The following IDH3G variants were observed in gnomAD, a reference collection of about 807,000 sequenced individuals.
The protein encoded by IDH3G is isocitrate dehydrogenase [NAD] subunit gamma, mitochondrial.
In IDH3G, 9 loss-of-function variants were observed where a neutral mutation model predicts 26.9. The ratio of observed to expected loss-of-function variants is 0.34; its 90% confidence interval spans 0.20 to 0.58. The LOEUF is 0.58. Ranked by LOEUF, IDH3G falls within the 20% of genes least tolerant of loss-of-function variation. The probability of loss-of-function intolerance (pLI) is 0.85; values close to 1 mark genes in which losing one functional copy is unlikely to be tolerated. For synonymous variants in IDH3G, 181 were observed against 160.0 expected (o/e 1.13, Z -0.99); for missense variants, 250 against 372.8 (o/e 0.67, Z 2.71).
chrX:153,794,074 T>G, intron 1 of IDH3G, 172 bp downstream of exon 1: 4 of 532,087 alleles, frequency 7.5e-6, no homozygotes, highest in Non-Finnish European at 1.1e-5. Flanking sequence ...AGGGCCAACT[T>G]CGGCCAATCC....
intron 8 of IDH3G, 41 bp from the exon 9 acceptor site, chrX:153,787,194 C>A (rs2071123): frequency 0.31 from 329,100 of 1,074,699 alleles, 37,098 homozygotes; most frequent in East Asian, 0.61. Context: ...TTGGCCATCG[C>A]AACAGTCAGC....
Position 153,787,812 on chromosome X carries a change from C to A in IDH3G, c.540+11G>T. 8.3e-7 allele frequency: 1 copy of A among 1,203,493 alleles called. No individual in the cohort carries two copies. Among genetic ancestry groups the A allele is most frequent in the African/African-American group, 1.7e-5 (1 of 57,786 alleles). ...CGCTGGGGGGGCTCATCTCGGGCCC[C>A]CCATGCACACCTCATGCTCCAGGCT... is the stretch of plus-strand genomic sequence containing the variant. On this transcript the variant is annotated intron_variant, in intron 7 of 12. Transcript: ENST00000217901.
intron 2 of IDH3G, 29 bp from the exon 3 acceptor site, chrX:153,790,604 C>G (rs1487357060): frequency 8.3e-7 from 1 of 1,201,467 alleles, no homozygotes; most frequent in Non-Finnish European, 1.1e-6. Context: ...GAAGAAGACA[C>G]AATCAGCCAA....
chrX:153,789,701 C>T lies in IDH3G; in HGVS notation c.346+11G>A. The T allele has an allele frequency of 9.0e-7, 1 of 1,110,529 alleles. No homozygotes were observed. Among genetic ancestry groups the T allele is most frequent in the African/African-American group, 1.8e-5 (1 of 56,231 alleles). 91.5% of individuals were successfully genotyped at this position (1,110,529 alleles called of 1,213,427 possible). A position where few individuals can be genotyped will look rare whatever the true frequency, so the allele number is the denominator to read the frequency against. On this transcript the variant is annotated intron_variant, in intron 5 of 12. Transcript: ENST00000217901. ...TAGGGCCCCATCCTGGCCCCTGGCC[C>T]TGGAGCTCACCCTTCAGGGCCACGC... is the stretch of plus-strand genomic sequence containing the variant.
chrX:153,790,912 G>A, intron 1 of IDH3G, 61 bp from the exon 2 acceptor site: 2 of 1,078,423 alleles, frequency 1.9e-6, no homozygotes, highest in Non-Finnish European at 2.6e-6. Context: ...CAAGTTGGAA[G>A]GAAAAACGGA....
At chrX:153,794,037 A>C (rs1285054216) in intron 1 of IDH3G, 10 of 399,805 alleles carry the variant, frequency 2.5e-5, no homozygotes, top group Non-Finnish European at 3.7e-5. Flanking sequence ...CCGCCACCCG[A>C]TGCAGACCCC....
In IDH3G at chrX:153,787,217, G is replaced by A. The variant is rs1282407641; in HGVS notation, c.675-64C>T. 5.5e-6 allele frequency: 5 copies of A among 903,510 alleles called. No individual in the cohort carries two copies. In the African/African-American group the frequency reaches 9.6e-5, roughly 17 times the overall value. The allele number at this position is 903,510 out of a possible 1,213,427, so 74.5% of individuals were successfully genotyped here. On this transcript the variant is annotated intron_variant, in intron 8 of 12. Coordinates refer to ENST00000217901, the MANE Select transcript of IDH3G (RefSeq NM_004135.4). ...CGCAACAGTCAGCCAGAGGGACGGG[G>A]CGTGCAGAGGGCCCCAGGAGGCTGG...
Position 153,787,144 on chromosome X carries a change from G to A in IDH3G, c.684C>T (p.Gly228=), listed in dbSNP as rs782644428. The change falls in exon 9 of 13, where the codon GGC becomes GGT. Residue 228 remains glycine, a synonymous_variant. Coordinates refer to ENST00000217901, the MANE Select transcript of IDH3G (RefSeq NM_004135.4). ...TGCAGCACTGGAGGAAAAGCCCATC[G>A]CCCAGTTTCCTGGTGGGGGGTTAGG... ...AVHKANIMKL[G]DGLFLQCCRE... 66 of 1,202,408 alleles carry A rather than the reference G, an allele frequency of 5.5e-5. No homozygotes were observed. Among genetic ancestry groups the A allele is most frequent in the Middle Eastern group, 2.3e-4 (1 of 4,339 alleles).
intron 7 of IDH3G, 110 bp downstream of exon 7, chrX:153,787,713 C>T: frequency 1.8e-6 from 2 of 1,130,627 alleles, no homozygotes; most frequent in Non-Finnish European, 2.4e-6. Flanking sequence ...TTTCTGGCTT[C>T]TCCCTCGGGC....
intron 5 of IDH3G, 152 bp from the exon 6 acceptor site, chrX:153,788,287 G>A (rs1239952811): frequency 1.4e-5 from 8 of 559,998 alleles, no homozygotes; most frequent in Non-Finnish European, 2.1e-5. Flanking sequence ...TAAGCCCCAC[G>A]AGGCTACACG....
In IDH3G at chrX:153,790,221, G is replaced by A. The variant is rs200174015; in HGVS notation, c.207C>T (p.Leu69=). ...MIPGDGIGPE[L]MLHVKSVFRH... Reference sequence around the variant, plus strand: ...TGAAGACGGACTTGACATGCAGCATGAGCTCTGGCCCGATGCCATCCCCTG... The same window carrying A: ...TGAAGACGGACTTGACATGCAGCATAAGCTCTGGCCCGATGCCATCCCCTG... Residue 69 remains leucine (L), a synonymous_variant, in exon 4 of 13, where the codon CTC becomes CTT. Transcript: ENST00000217901. 3 of 1,210,279 alleles carry A rather than the reference G, an allele frequency of 2.5e-6. No homozygotes were observed. Among genetic ancestry groups the A allele is most frequent in the Non-Finnish European group, 3.4e-6 (3 of 893,879 alleles).
intron 5 of IDH3G, 98 bp downstream of exon 5, chrX:153,789,614 A>G: frequency 1.9e-6 from 1 of 536,537 alleles, no homozygotes; most frequent in Non-Finnish European, 3.1e-6. Flanking sequence ...AGCAAGCAAG[A>G]AAGCAAGCAA....
intron 5 of IDH3G, chrX:153,789,316 C>T: frequency 3.4e-6 from 1 of 297,131 alleles, no homozygotes; most frequent in South Asian, 3.2e-5. Flanking sequence ...GAGGCTGAGG[C>T]GGGCAGATCA....
chrX:153,793,992 C>T, intron 1 of IDH3G: 2 of 321,915 alleles, frequency 6.2e-6, no homozygotes, highest in East Asian at 4.9e-5. Flanking sequence ...TGACAGCCGC[C>T]GTGGCCCACT....
chrX:153,791,511 G>A (rs782241942), intron 1 of IDH3G, among the ~76,000 whole-genome samples: 9 of 112,686 alleles, frequency 8.0e-5, no homozygotes, highest in East Asian at 2.8e-4. Context: ...GCTGGATGCC[G>A]AATGTCCCCA....
Position 153,786,874 on chromosome X carries a change from C to A in IDH3G, c.851G>T (p.Cys284Phe), listed in dbSNP as rs1557069295. 1 of 1,211,183 alleles carries A rather than the reference C, an allele frequency of 8.3e-7. No individual in the cohort carries two copies. The highest frequency in any genetic ancestry group is 1.1e-6 in the Non-Finnish European group (1 of 895,095). The change falls in exon 10 of 13, where the codon TGC becomes TTC. Residue 284 changes from cysteine (C) to phenylalanine (F), a missense_variant. Cys to Phe is a radical substitution (Grantham distance 205). Around this residue, in one of 2 missense-constraint regions of IDH3G, gnomAD observed 201 missense variants for 331.3 expected, o/e 0.61. Transcript: ENST00000217901. ...GCCTGGGCCCCCGACCAGTCCCGCGCAGACATTGTTGACGATGTTGCCATA... is the reference window on the plus strand; with the variant it reads ...GCCTGGGCCCCCGACCAGTCCCGCGAAGACATTGTTGACGATGTTGCCATA... ...NLYGNIVNNV[C>F]AGLVGGPGLV...
At chrX:153,789,309 G>A in intron 5 of IDH3G, 1 of 300,415 alleles carries the variant, frequency 3.3e-6, no homozygotes, top group South Asian at 3.1e-5. Context: ...ACTTTGAGAG[G>A]CTGAGGCGGG....
At chrX:153,788,025 C>T in intron 6 of IDH3G, 50 bp downstream of exon 6, 1 of 1,209,004 alleles carries the variant, frequency 8.3e-7, no homozygotes, top group Non-Finnish European at 1.1e-6. Flanking sequence ...TCCACTGGCT[C>T]ACCCCACCTT....
chrX:153,794,315 C>T lies in IDH3G; in HGVS notation c.12G>A (p.Lys4=), dbSNP rs2092124103. 8.3e-7 allele frequency: 1 copy of T among 1,197,801 alleles called. No individual in the cohort carries two copies. The highest frequency in any genetic ancestry group is 1.1e-6 in the Non-Finnish European group (1 of 889,914). MAL[K]VATVAGSAAK... Reference sequence around the variant, plus strand: ...CGGCGCTGCCGGCGACGGTCGCTACCTTCAGCGCCATGACGGAAAGTGAGA... The same window carrying T: ...CGGCGCTGCCGGCGACGGTCGCTACTTTCAGCGCCATGACGGAAAGTGAGA... Residue 4 remains lysine (K), a synonymous_variant, in exon 1 of 13, where the codon AAG becomes AAA. Coordinates refer to ENST00000217901, the MANE Select transcript of IDH3G (RefSeq NM_004135.4).
Sources: allele counts gnomAD v4.1 joint callset (sites outside exome capture counted in the v4.1 genomes callset), GRCh38; gene constraint gnomAD v4.1.1; regional missense constraint gnomAD v4.1.1; transcripts MANE v1.5; gene names NCBI Gene and HGNC (gene_info 2026-07-23, HGNC 2026-07-21).